Variants in MAP4 observed in about 807,000 individuals in gnomAD.
MAP4 encodes the protein microtubule associated protein 4, also known as microtubule-associated protein 4.
MAP4 carries 76 observed loss-of-function variants against 170.2 expected under a neutral mutation model. The ratio of observed to expected loss-of-function variants is 0.45; its 90% CI spans 0.37 to 0.54. The LOEUF (loss-of-function observed/expected upper bound fraction) is 0.54. Among genes scored for constraint, MAP4 ranks in the 20% least tolerant of loss-of-function variants. MAP4 has a pLI of 0.00. For missense variants in MAP4, 2,506 were observed against 2,748.0 expected (o/e 0.91, Z 1.97); for synonymous variants, 909 against 994.5 (o/e 0.91, Z 1.62).
chr3:47,880,620 C>A (rs2096563395), intron 10 of MAP4, among the ~76,000 whole-genome samples: 1 of 151,946 alleles, frequency 6.6e-6, no homozygotes, highest in African/African-American at 2.4e-5. Context: ...TACGTGCCAC[C>A]ATACCTGAAT....
chr3:47,960,473 C>T (rs1435483288), intron 3 of MAP4: 3 of 189,098 alleles, frequency 1.6e-5, no homozygotes, highest in Non-Finnish European at 2.4e-5. Context: ...GGAGTTAGGT[C>T]ATATCCTGCT....
intron 6 of MAP4, 129 bp from the exon 7 acceptor site, chr3:47,917,303 T>A: frequency 1.3e-6 from 1 of 755,440 alleles, no homozygotes; most frequent in South Asian, 1.8e-5. Context: ...AGAATTAATG[T>A]TAGGCCGGGC....
intron 10 of MAP4, 97 bp from the exon 11 acceptor site, chr3:47,877,620 ACTTCATTCTG>A: frequency 1.4e-6 from 1 of 737,614 alleles, no homozygotes; most frequent in Non-Finnish European, 2.2e-6. Context: ...ACTAACTAGC[ACTTCATTCTG>A]AAAAAAGTCC....
At chr3:47,905,182 T>A (rs2153426734) in intron 9 of MAP4, among the ~76,000 whole-genome samples, 1 of 152,188 alleles carries the variant, frequency 6.6e-6, no homozygotes, top group Non-Finnish European at 1.5e-5. Flanking sequence ...ACAGAAAAAC[T>A]CGATATGCAA....
chr3:47,923,180 T>A (rs761755546), intron 4 of MAP4, among the ~76,000 whole-genome samples: 1 of 152,200 alleles, frequency 6.6e-6, no homozygotes, highest in East Asian at 1.9e-4. Context: ...TGCTGGTTCC[T>A]GAGAATCTGC....
chr3:47,939,395 T>A (rs539984879), intron 3 of MAP4, among the ~76,000 whole-genome samples: 2 of 152,328 alleles, frequency 1.3e-5, no homozygotes, highest in South Asian at 4.2e-4. Context: ...TTTTACTACT[T>A]TTATTTCCTC....
intron 1 of MAP4, among the ~76,000 whole-genome samples, chr3:48,081,998 T>G (rs746178885): frequency 1.3e-5 from 2 of 152,092 alleles, no homozygotes; most frequent in African/African-American, 4.8e-5. Context: ...CAAAAGAACA[T>G]AGGTGCCAAT....
chr3:48,023,213 C>T (rs1481774932), intron 1 of MAP4, among the ~76,000 whole-genome samples: 3 of 152,066 alleles, frequency 2.0e-5, no homozygotes, highest in Non-Finnish European at 4.4e-5. Flanking sequence ...AAGAGAACTA[C>T]ACAAGAAAGT....
At chr3:47,866,638 C>T (rs770595575) in intron 17 of MAP4, among the ~76,000 whole-genome samples, 3 of 151,684 alleles carry the variant, frequency 2.0e-5, no homozygotes, top group Non-Finnish European at 4.4e-5. Flanking sequence ...CCTGCAGTCC[C>T]GGCTACTCGG....
intron 3 of MAP4, among the ~76,000 whole-genome samples, chr3:47,935,701 C>T (rs550095515): frequency 1.3e-5 from 2 of 152,114 alleles, no homozygotes; most frequent in South Asian, 4.2e-4. Flanking sequence ...CTTTGAGAGG[C>T]TGAGACGGGT....
chr3:47,920,542 T>A (rs576475545), intron 5 of MAP4, among the ~76,000 whole-genome samples: 1 of 126,480 alleles, frequency 7.9e-6, no homozygotes, highest in Admixed American at 9.8e-5. Flanking sequence ...TGCACCCAGA[T>A]GGTTTTTTTT....
At chr3:47,880,990 T>C (rs377223569) in intron 10 of MAP4, among the ~76,000 whole-genome samples, 5 of 152,332 alleles carry the variant, frequency 3.3e-5, no homozygotes, top group African/African-American at 1.2e-4. Context: ...CCAGCTGTAA[T>C]TGTGACTTTG....
chr3:48,073,252 TACACACACACACACACACACACACAC>T (rs35163339), intron 1 of MAP4, among the ~76,000 whole-genome samples: 49 of 134,584 alleles, frequency 3.6e-4, no homozygotes, highest in African/African-American at 9.9e-4. Flanking sequence ...TCCAAAGGAA[TACACACACACACACACACACACACAC>T]ACACACACAC....
intron 1 of MAP4, among the ~76,000 whole-genome samples, chr3:48,048,703 GA>G (rs1178172979): frequency 1.3e-5 from 2 of 151,720 alleles, no homozygotes; most frequent in Non-Finnish European, 2.9e-5. Context: ...TTTTTTTGTA[GA>G]GACAGGATCT....
At chr3:47,875,982 AAAAGTATAAATTGC>A in intron 11 of MAP4, 82 bp from the exon 12 acceptor site, 1 of 1,063,426 alleles carries the variant, frequency 9.4e-7, no homozygotes, top group Non-Finnish European at 1.4e-6. Flanking sequence ...ACAAATTAAA[AAAAGTATAAATTGC>A]ACAATTCAAA....
At chr3:47,856,481 A>C (rs2056671962) in intron 18 of MAP4, among the ~76,000 whole-genome samples, 1 of 151,652 alleles carries the variant, frequency 6.6e-6, no homozygotes, top group African/African-American at 2.4e-5. Flanking sequence ...TGGAGACAGA[A>C]TTTCGCTCTG....
At chr3:47,853,093 C>T in intron 20 of MAP4, 70 bp downstream of exon 20, 3 of 1,613,992 alleles carry the variant, frequency 1.9e-6, no homozygotes, top group Non-Finnish European at 2.5e-6. Context: ...TAGTCAAAAA[C>T]AAAGGAGTTT....
intron 1 of MAP4, among the ~76,000 whole-genome samples, chr3:48,022,904 A>G (rs910369050): frequency 6.6e-6 from 1 of 152,156 alleles, no homozygotes; most frequent in Non-Finnish European, 1.5e-5. Flanking sequence ...GGGGAAAAAA[A>G]AAAATTTATT....
upstream of MAP4, among the ~76,000 whole-genome samples, chr3:48,018,844 C>T (rs1328111751): frequency 1.3e-5 from 2 of 152,022 alleles, no homozygotes; most frequent in Admixed American, 1.3e-4. Flanking sequence ...TATTTTCTTC[C>T]ACTTTCTAAA....
Sources: allele counts gnomAD v4.1 joint callset (sites outside exome capture counted in the v4.1 genomes callset), GRCh38; gene constraint gnomAD v4.1.1; transcripts MANE v1.5; gene names NCBI Gene and HGNC (gene_info 2026-07-23, HGNC 2026-07-21).